Variants in UBAC2 observed in about 807,000 individuals in gnomAD.
UBAC2 encodes the protein ubiquitin-associated domain-containing protein 2.
Under a neutral mutation model 44.0 loss-of-function variants are expected in UBAC2, and 26 were observed. That is an observed-to-expected ratio of 0.59 (90% CI 0.43 to 0.82). The LOEUF (loss-of-function observed/expected upper bound fraction) is 0.82. UBAC2 is among the 40% of genes least tolerant of loss of function. UBAC2 has a pLI of 0.00. For missense variants in UBAC2, 329 were observed against 419.4 expected (o/e 0.78, Z 1.88); for synonymous variants, 155 against 154.3 (o/e 1.00, Z -0.04).
At chr13:99,378,673 C>G (rs1162939469) in intron 8 of UBAC2, among the ~76,000 whole-genome samples, 3 of 152,244 alleles carry the variant, frequency 2.0e-5, no homozygotes, top group Non-Finnish European at 2.9e-5. Flanking sequence ...CCACCTTGTT[C>G]GTCATCATCA....
chr13:99,306,555 C>G (rs2044339512), intron 4 of UBAC2, among the ~76,000 whole-genome samples: 2 of 152,136 alleles, frequency 1.3e-5, no homozygotes, highest in Admixed American at 6.5e-5. Flanking sequence ...ATATAAAACC[C>G]TCACTGCCCT....
intron 1 of UBAC2, among the ~76,000 whole-genome samples, chr13:99,228,696 G>A (rs1199242034): frequency 2.0e-5 from 3 of 152,172 alleles, no homozygotes; most frequent in Admixed American, 2.0e-4. Context: ...AATGGCTCGA[G>A]AAAGGATTTA....
intron 4 of UBAC2, among the ~76,000 whole-genome samples, chr13:99,281,703 G>T (rs945264761): frequency 6.6e-6 from 1 of 152,194 alleles, no homozygotes; most frequent in African/African-American, 2.4e-5. Context: ...TCTTGACATT[G>T]CCTGAGGACT....
At chr13:99,305,254 C>T (rs1251623916) in intron 4 of UBAC2, among the ~76,000 whole-genome samples, 4 of 151,444 alleles carry the variant, frequency 2.6e-5, no homozygotes, top group South Asian at 2.1e-4. Context: ...ACACCACAGC[C>T]ATCTGTGTTA....
intron 6 of UBAC2, among the ~76,000 whole-genome samples, chr13:99,336,583 C>T (rs976004120): frequency 6.6e-6 from 1 of 152,106 alleles, no homozygotes; most frequent in African/African-American, 2.4e-5. Flanking sequence ...CCCATGTCTG[C>T]TGAATACCAG....
At chr13:99,223,857 A>G (rs1238950011) in intron 1 of UBAC2, among the ~76,000 whole-genome samples, 1 of 151,984 alleles carries the variant, frequency 6.6e-6, no homozygotes, top group African/African-American at 2.4e-5. Flanking sequence ...GCTTTATATG[A>G]TTTTAATTCC....
intron 8 of UBAC2, among the ~76,000 whole-genome samples, chr13:99,368,367 A>G (rs2045359417): frequency 6.6e-6 from 1 of 152,242 alleles, no homozygotes; most frequent in Non-Finnish European, 1.5e-5. Context: ...CTCTAACTGC[A>G]TTTCAAATGA....
At chr13:99,352,965 T>G (rs1475054185) in intron 7 of UBAC2, among the ~76,000 whole-genome samples, 1 of 152,210 alleles carries the variant, frequency 6.6e-6, no homozygotes, top group African/African-American at 2.4e-5. Flanking sequence ...AATTCTCATG[T>G]GTCCCGAGCA....
chr13:99,247,143 T>C (rs1052513413), intron 4 of UBAC2, among the ~76,000 whole-genome samples: 7 of 152,066 alleles, frequency 4.6e-5, no homozygotes, highest in African/African-American at 9.7e-5. Flanking sequence ...GCCACAAATA[T>C]ATCTTTTATT....
intron 1 of UBAC2, among the ~76,000 whole-genome samples, chr13:99,202,745 T>C (rs952065082): frequency 6.6e-6 from 1 of 152,152 alleles, no homozygotes; most frequent in African/African-American, 2.4e-5. Context: ...TAAAATTAAG[T>C]GCTTCTGCAG....
intron 4 of UBAC2, among the ~76,000 whole-genome samples, chr13:99,271,078 A>T (rs1416439877): frequency 6.6e-6 from 1 of 152,238 alleles, no homozygotes; most frequent in Admixed American, 6.5e-5. Context: ...GCACTGATCA[A>T]AGCAGACAAA....
Position 99,228,647 on chromosome 13 carries a change from T to G in UBAC2, c.32-9780T>G, listed in dbSNP as rs532901999. The stretch of plus-strand genomic sequence containing the variant: ...TTCTCGTAACACTTTTGAGGTAGGT[T>G]CTCATCTCCATTTTACAGGTGAGGA... On this transcript the variant is annotated intron_variant, in intron 1 of 8. Transcript: ENST00000403766. Among the ~76,000 whole-genome samples, 28 of 152,284 alleles carry G rather than the reference T, an allele frequency of 1.8e-4. No individual in the cohort carries two copies. The South Asian group carries it at 3.5e-3, about 19-fold the overall frequency.
intron 1 of UBAC2, among the ~76,000 whole-genome samples, chr13:99,235,819 T>C (rs2043226292): frequency 6.6e-6 from 1 of 151,784 alleles, no homozygotes; most frequent in Non-Finnish European, 1.5e-5. Context: ...CAAAAAAAAA[T>C]TAGCCAGGTG....
At chr13:99,339,062 C>T (rs2044844772) in intron 6 of UBAC2, among the ~76,000 whole-genome samples, 1 of 152,170 alleles carries the variant, frequency 6.6e-6, no homozygotes, top group African/African-American at 2.4e-5. Context: ...AATGTCATAT[C>T]ATATCCAGTG....
intron 4 of UBAC2, among the ~76,000 whole-genome samples, chr13:99,281,515 C>T (rs1293397452): frequency 1.3e-5 from 2 of 152,190 alleles, no homozygotes; most frequent in African/African-American, 4.8e-5. Flanking sequence ...ATCCCAGACA[C>T]TCTGCAGGTG....
intron 7 of UBAC2, among the ~76,000 whole-genome samples, chr13:99,355,466 G>A (rs574843532): frequency 6.6e-6 from 1 of 152,334 alleles, no homozygotes; most frequent in East Asian, 1.9e-4. Flanking sequence ...ACAAGGCCTT[G>A]GCATGCTCTT....
chr13:99,249,153 A>G (rs191649404), intron 4 of UBAC2, among the ~76,000 whole-genome samples: 1 of 152,210 alleles, frequency 6.6e-6, no homozygotes, highest in East Asian at 1.9e-4. Flanking sequence ...TCCAGTAGTT[A>G]GTTTTTCAAC....
chr13:99,351,790 C>T (rs758685480), intron 7 of UBAC2: 1 of 456,600 alleles, frequency 2.2e-6, no homozygotes, highest in Non-Finnish European at 4.4e-6. Context: ...CAGCAAAGCC[C>T]AGGAGTCCTT....
intron 5 of UBAC2, among the ~76,000 whole-genome samples, chr13:99,315,906 C>T (rs2044482253): frequency 6.6e-6 from 1 of 151,424 alleles, no homozygotes; most frequent in Non-Finnish European, 1.5e-5. Flanking sequence ...CATCACGGGG[C>T]CATTGTAGTA....
Sources: gnomAD v4.1 joint callset for allele counts (sites outside exome capture counted in the v4.1 genomes callset) on GRCh38, gnomAD v4.1.1 for gene constraint, MANE v1.5 for transcripts, NCBI Gene and HGNC (gene_info 2026-07-23, HGNC 2026-07-21) for gene names.